The following RTN1 variants were observed in gnomAD, a reference collection of about 807,000 sequenced individuals.
The protein encoded by RTN1 is reticulon-1.
Under a neutral mutation model 65.5 loss-of-function variants are expected in RTN1, and 25 were observed. The observed-to-expected ratio is 0.38, with a 90% CI of 0.28 to 0.53. The LOEUF is 0.53. Ranked by LOEUF, RTN1 falls within the 20% of genes least tolerant of loss-of-function variation. The pLI is 0.79. For missense variants in RTN1, 983 were observed against 1,025.4 expected (o/e 0.96, Z 0.57); for synonymous variants, 471 against 447.6 (o/e 1.05, Z -0.66).
chr14:59,613,896 G>A (rs1882032004), intron 3 of RTN1, among the ~76,000 whole-genome samples: 1 of 152,072 alleles, frequency 6.6e-6, no homozygotes, highest in African/African-American at 2.4e-5. Context: ...GTTCTGTTTT[G>A]CATACTGTTA....
intron 3 of RTN1, among the ~76,000 whole-genome samples, chr14:59,686,549 T>C (rs1039514460): frequency 3.9e-5 from 6 of 152,210 alleles, no homozygotes; most frequent in Admixed American, 6.5e-5. Flanking sequence ...TAAGCTTTAA[T>C]TCACAAAGTA....
chr14:59,603,054 A>G lies in RTN1; in HGVS notation c.2288+11T>C. The G allele has an allele frequency of 6.2e-7, 1 of 1,611,826 alleles. No individual in the cohort carries two copies. Among genetic ancestry groups the G allele is most frequent in the Non-Finnish European group, 8.5e-7 (1 of 1,178,116 alleles). On this transcript the variant is annotated intron_variant, in intron 8 of 8. Coordinates refer to ENST00000267484, the MANE Select transcript of RTN1 (RefSeq NM_021136.3). ...AGTCTCTCCTTTTATGCATTGCACT[A>G]TGTGACTTACTTTGCCACAACAGCA...
intron 3 of RTN1, among the ~76,000 whole-genome samples, chr14:59,633,215 GT>G (rs1308573691): frequency 1.3e-5 from 2 of 152,244 alleles, no homozygotes; most frequent in Non-Finnish European, 2.9e-5. Flanking sequence ...CAGTTTGATA[GT>G]TGAAGGTTGA....
intron 3 of RTN1, among the ~76,000 whole-genome samples, chr14:59,713,718 A>G (rs1452147625): frequency 6.6e-6 from 1 of 152,210 alleles, no homozygotes; most frequent in Non-Finnish European, 1.5e-5. Context: ...AGAGAGTGCC[A>G]GCTACTCACC....
intron 3 of RTN1, chr14:59,630,923 T>A: frequency 2.5e-6 from 2 of 811,112 alleles, no homozygotes; most frequent in Non-Finnish European, 3.0e-6. Flanking sequence ...CTGGGAGTTC[T>A]TGACTCCCAG....
Position 59,727,274 on chromosome 14 carries a change from C to T in RTN1, c.1410G>A (p.Ser470=), listed in dbSNP as rs74373925. The change falls in exon 3 of 9, where the codon TCG becomes TCA. Residue 470 remains serine, a synonymous_variant. Coordinates refer to ENST00000267484, the MANE Select transcript of RTN1 (RefSeq NM_021136.3). This position sits in a 1 kb window ranked among gnomAD's most constrained non-coding sequence, Gnocchi z 4.2. Reference sequence around the variant, plus strand: ...CCTCCGAGGCCGAGGAGGCGTCGCACGACTCGATGATGAGCTCGCTGTCCA... The same window carrying T: ...CCTCCGAGGCCGAGGAGGCGTCGCATGACTCGATGATGAGCTCGCTGTCCA... ...AELDSELIIE[S]CDASSASEES... is the part of the protein sequence containing the mutation. The T allele has an allele frequency of 4.6e-6, 7 of 1,507,376 alleles. No homozygotes were observed. The highest frequency in any genetic ancestry group is 6.2e-6 in the Non-Finnish European group (7 of 1,127,278). 93.4% of individuals were successfully genotyped at this position (1,507,376 alleles called of 1,614,324 possible). A position where few individuals can be genotyped will look rare whatever the true frequency, so the allele number is the denominator to read the frequency against.
intron 1 of RTN1, among the ~76,000 whole-genome samples, chr14:59,805,958 C>T (rs550919377): frequency 6.6e-6 from 1 of 152,232 alleles, no homozygotes; most frequent in African/African-American, 2.4e-5. Context: ...AATTATATGG[C>T]TGGGCACTGT....
At chr14:59,642,756 C>A (rs937018231) in intron 3 of RTN1, among the ~76,000 whole-genome samples, 2 of 152,128 alleles carry the variant, frequency 1.3e-5, no homozygotes, top group African/African-American at 4.8e-5. Context: ...TCTTTATCAG[C>A]CATATCCAAT....
chr14:59,598,070 CTG>C (rs1881460795), intron 8 of RTN1, among the ~76,000 whole-genome samples: 1 of 150,716 alleles, frequency 6.6e-6, no homozygotes, highest in Non-Finnish European at 1.5e-5. Flanking sequence ...ATGATGGTGG[CTG>C]TGTAAAAAAA....
intron 4 of RTN1, 129 bp downstream of exon 4, chr14:59,607,156 T>G: frequency 1.4e-6 from 1 of 709,446 alleles, no homozygotes; most frequent in Non-Finnish European, 2.4e-6. Flanking sequence ...AGACAGGGTG[T>G]TAGGGGAGAC....
intron 1 of RTN1, among the ~76,000 whole-genome samples, chr14:59,855,021 G>T (rs1887579297): frequency 6.6e-6 from 1 of 152,136 alleles, no homozygotes; most frequent in Non-Finnish European, 1.5e-5. Flanking sequence ...ACAACTAAAA[G>T]TAGTACTATA....
intron 1 of RTN1, among the ~76,000 whole-genome samples, chr14:59,833,391 AAAT>A (rs1427869189): frequency 6.6e-6 from 1 of 152,218 alleles, no homozygotes; most frequent in Non-Finnish European, 1.5e-5. Flanking sequence ...GAAAAACAAA[AAAT>A]AAATTTTGAC....
intron 3 of RTN1, among the ~76,000 whole-genome samples, chr14:59,635,723 T>C (rs1470015578): frequency 1.3e-5 from 2 of 151,952 alleles, no homozygotes; most frequent in African/African-American, 4.8e-5. Flanking sequence ...CAATAGAAAT[T>C]AGGAAAGGGG....
At chr14:59,832,824 TAGAC>T (rs1412072311) in intron 1 of RTN1, among the ~76,000 whole-genome samples, 6 of 152,208 alleles carry the variant, frequency 3.9e-5, no homozygotes, top group African/African-American at 7.2e-5. Context: ...ACCTCTGCCT[TAGAC>T]AGGTTCCGGA....
chr14:59,717,713 G>A (rs996823815), intron 3 of RTN1, among the ~76,000 whole-genome samples: 4 of 152,120 alleles, frequency 2.6e-5, no homozygotes, highest in African/African-American at 7.2e-5. Context: ...TGGAAGTCTC[G>A]AAGTAAACAG....
At chr14:59,663,711 C>A (rs1231903692) in intron 3 of RTN1, among the ~76,000 whole-genome samples, 1 of 151,760 alleles carries the variant, frequency 6.6e-6, no homozygotes, top group Non-Finnish European at 1.5e-5. Context: ...ATGCAGCCAA[C>A]AAACATATGA....
At chr14:59,858,449 T>A (rs1023880974) in intron 1 of RTN1, among the ~76,000 whole-genome samples, 1 of 151,700 alleles carries the variant, frequency 6.6e-6, no homozygotes, top group Non-Finnish European at 1.5e-5. Flanking sequence ...CAAATACACA[T>A]AATTTTCTGT....
At chr14:59,670,349 AAAT>A (rs745713722) in intron 3 of RTN1, among the ~76,000 whole-genome samples, 1 of 152,254 alleles carries the variant, frequency 6.6e-6, no homozygotes, top group Non-Finnish European at 1.5e-5. Flanking sequence ...GAAATTAAAA[AAAT>A]AATAATCTGA....
At chr14:59,607,243 C>A in intron 4 of RTN1, 42 bp downstream of exon 4, 2 of 1,572,740 alleles carry the variant, frequency 1.3e-6, no homozygotes, top group Non-Finnish European at 8.7e-7. Context: ...AGGGTAAAAG[C>A]CCCTGGTCAG....
Sources: allele counts gnomAD v4.1 joint callset (sites outside exome capture counted in the v4.1 genomes callset), GRCh38; gene constraint gnomAD v4.1.1; non-coding constraint Gnocchi (gnomAD v3.1); transcripts MANE v1.5; gene names NCBI Gene and HGNC (gene_info 2026-07-23, HGNC 2026-07-21).